Variants in SERPINB11 observed in about 807,000 individuals in gnomAD.
The protein encoded by SERPINB11 is serpin family B member 11.
SERPINB11 carries 32 observed loss-of-function variants against 36.7 expected under a neutral mutation model. The ratio of observed to expected loss-of-function variants is 0.87; its 90% CI spans 0.66 to 1.17. The LOEUF (loss-of-function observed/expected upper bound fraction) is 1.17. Ranked by LOEUF, SERPINB11 falls within the 50% of genes most tolerant of loss-of-function variation. The pLI is 0.00. For synonymous variants in SERPINB11, 174 were observed against 168.1 expected (o/e 1.04, Z -0.27); for missense variants, 528 against 458.4 (o/e 1.15, Z -1.39).
intron 1 of SERPINB11, among the ~76,000 whole-genome samples, chr18:63,706,718 C>G (rs1462620753): frequency 6.6e-6 from 1 of 152,138 alleles, no homozygotes; most frequent in Admixed American, 6.5e-5. Context: ...GAAGACTCAA[C>G]TAAAATGGCT....
At chr18:63,707,598 C>G (rs117749522) in intron 1 of SERPINB11, among the ~76,000 whole-genome samples, 1 of 152,212 alleles carries the variant, frequency 6.6e-6, no homozygotes, top group Non-Finnish European at 1.5e-5. Flanking sequence ...TTTCATTCTT[C>G]TAGAAGCAGC....
At chr18:63,705,078 T>C (rs1211641860) in intron 1 of SERPINB11, among the ~76,000 whole-genome samples, 2 of 152,214 alleles carry the variant, frequency 1.3e-5, no homozygotes, top group African/African-American at 4.8e-5. Flanking sequence ...TTTTTGTTTT[T>C]CTTTGTTTTG....
chr18:63,705,611 G>T (rs1914352201), intron 1 of SERPINB11: 1 of 152,172 alleles, frequency 6.6e-6, no homozygotes, highest in Non-Finnish European at 1.5e-5. Flanking sequence ...GGTTATAAAA[G>T]AAGAAACAAT....
intron 6 of SERPINB11, 55 bp downstream of exon 6, chr18:63,720,210 T>C: frequency 6.9e-7 from 1 of 1,451,046 alleles, no homozygotes; most frequent in East Asian, 2.4e-5. Flanking sequence ...AATAATCATT[T>C]AAGGACAATT....
intron 5 of SERPINB11, among the ~76,000 whole-genome samples, chr18:63,716,484 G>A (rs1002540532): frequency 6.6e-6 from 1 of 151,988 alleles, no homozygotes; most frequent in Non-Finnish European, 1.5e-5. Flanking sequence ...TTTGGTTAAG[G>A]AAAAATTTAA....
intron 1 of SERPINB11, among the ~76,000 whole-genome samples, chr18:63,703,314 C>G (rs1356928392): frequency 6.6e-6 from 1 of 152,200 alleles, no homozygotes; most frequent in Admixed American, 6.5e-5. Flanking sequence ...ACAAGCTAGT[C>G]ATGCATGCTG....
In SERPINB11 at chr18:63,710,301, T is replaced by C; in HGVS notation, c.108T>C (p.Leu36=). The change falls in exon 2 of 8, where the codon CTT becomes CTC. Residue 36 remains leucine, a synonymous_variant. Coordinates refer to ENST00000544088, the MANE Select transcript of SERPINB11 (RefSeq NM_001370475.1). The part of the protein sequence containing the change: ...DNIFFSSLSL[L]YALSMVLLGA... The stretch of plus-strand genomic sequence containing the variant: ...TCTTCTTTTCTTCGCTGAGTCTGCT[T>C]TATGCTCTAAGCATGGTCCTCCTTG... 1 of 1,613,864 alleles carries C rather than the reference T, an allele frequency of 6.2e-7. No homozygotes were observed. The highest frequency in any genetic ancestry group is 1.1e-5 in the South Asian group (1 of 91,060).
chr18:63,714,616 A>T (rs1268317660), intron 4 of SERPINB11, among the ~76,000 whole-genome samples: 1 of 144,884 alleles, frequency 6.9e-6, no homozygotes, highest in Admixed American at 7.0e-5. Context: ...GAATTCAACG[A>T]TATTTCTCCT....
chr18:63,710,143 G>A, intron 1 of SERPINB11, 36 bp from the exon 2 acceptor site: 1 of 1,518,032 alleles, frequency 6.6e-7, no homozygotes, highest in Admixed American at 2.0e-5. Flanking sequence ...GTAACTTCAA[G>A]TGATGTTCTG....
At chr18:63,710,720 T>C (rs1442737106) in intron 2 of SERPINB11, among the ~76,000 whole-genome samples, 1 of 152,168 alleles carries the variant, frequency 6.6e-6, no homozygotes, top group South Asian at 2.1e-4. Flanking sequence ...ATTTTAGACA[T>C]TACCAAGTTA....
chr18:63,723,635 G>T lies in SERPINB11; in HGVS notation c.*236G>T. The T allele has an allele frequency of 2.3e-6, 1 of 438,400 alleles. No individual in the cohort carries two copies. Among genetic ancestry groups the T allele is most frequent in the Non-Finnish European group, 4.0e-6 (1 of 249,372 alleles). The allele number at this position is 438,400 out of a possible 1,614,324, so 27.2% of individuals were successfully genotyped here. On this transcript the variant is annotated 3_prime_UTR_variant, in exon 8 of 8. Transcript: ENST00000544088. ...AGCCTTTCTGGCTTTCTTATCTGTGGTGTCTCATTTGAGTGCTGTCCAGTG... is the reference window on the plus strand; with the variant it reads ...AGCCTTTCTGGCTTTCTTATCTGTGTTGTCTCATTTGAGTGCTGTCCAGTG...
At chr18:63,710,892 G>A (rs1246310085) in intron 2 of SERPINB11, among the ~76,000 whole-genome samples, 1 of 152,238 alleles carries the variant, frequency 6.6e-6, no homozygotes, top group Non-Finnish European at 1.5e-5. Flanking sequence ...GCAGTGGAAA[G>A]TCTAGAAGAA....
chr18:63,719,207 T>C (rs1567052), intron 5 of SERPINB11, among the ~76,000 whole-genome samples: 63,871 of 151,898 alleles, frequency 0.42, 14,582 homozygotes, highest in Non-Finnish European at 0.53. Flanking sequence ...TATATATTTA[T>C]GTAGAATATT....
At chr18:63,716,408 A>T (rs986836032) in intron 5 of SERPINB11, among the ~76,000 whole-genome samples, 1 of 152,212 alleles carries the variant, frequency 6.6e-6, no homozygotes, top group South Asian at 2.1e-4. Flanking sequence ...TTAAATTTAA[A>T]TTTACTTTTC....
chr18:63,722,396 A>G (rs1324417597), intron 7 of SERPINB11, among the ~76,000 whole-genome samples: 1 of 152,132 alleles, frequency 6.6e-6, no homozygotes, highest in Admixed American at 6.5e-5. Context: ...CAAATGATGA[A>G]ACTGGATGGA....
At chr18:63,720,377 C>A (rs1240336835) in intron 6 of SERPINB11, 14 of 507,148 alleles carry the variant, frequency 2.8e-5, no homozygotes, top group South Asian at 1.2e-4. Context: ...GATTCTCTGG[C>A]AGAGGAGAAA....
intron 1 of SERPINB11, among the ~76,000 whole-genome samples, chr18:63,707,010 C>G (rs553490347): frequency 6.6e-6 from 1 of 152,272 alleles, no homozygotes; most frequent in South Asian, 2.1e-4. Context: ...TTTCTAGAAG[C>G]CTTCCAGCAA....
intron 7 of SERPINB11, among the ~76,000 whole-genome samples, chr18:63,722,110 C>A (rs1459328651): frequency 6.6e-6 from 1 of 152,140 alleles, no homozygotes; most frequent in African/African-American, 2.4e-5. Flanking sequence ...AAGAGCAGTG[C>A]AAATGCCTTA....
chr18:63,705,022 T>A (rs1914334932), intron 1 of SERPINB11, among the ~76,000 whole-genome samples: 1 of 152,212 alleles, frequency 6.6e-6, no homozygotes, highest in Admixed American at 6.5e-5. Context: ...CATGGATGAA[T>A]CTTAAAAATA....
Sources: allele counts gnomAD v4.1 joint callset (sites outside exome capture counted in the v4.1 genomes callset), GRCh38; gene constraint gnomAD v4.1.1; transcripts MANE v1.5; gene names NCBI Gene and HGNC (gene_info 2026-07-23, HGNC 2026-07-21).